The following LPP variants were observed in gnomAD, a reference collection of about 807,000 sequenced individuals.
LPP encodes LIM domain containing preferred translocation partner in lipoma, also known as lipoma-preferred partner.
In LPP, 38 loss-of-function variants were observed where a neutral mutation model predicts 60.4. That is an observed-to-expected ratio of 0.63 (90% CI 0.49 to 0.83). LPP has a LOEUF of 0.83. Ranked by LOEUF, LPP falls within the 40% of genes least tolerant of loss-of-function variation. The pLI is 0.00. For missense variants in LPP, 902 were observed against 783.6 expected (o/e 1.15, Z -1.80); for synonymous variants, 328 against 290.8 (o/e 1.13, Z -1.30).
chr3:188,409,590 A>G (rs887105256), intron 4 of LPP, among the ~76,000 whole-genome samples: 10 of 152,226 alleles, frequency 6.6e-5, no homozygotes, highest in South Asian at 6.2e-4. Flanking sequence ...AGAATGTTCT[A>G]TACTCTCAGT....
intron 1 of LPP, among the ~76,000 whole-genome samples, chr3:188,203,485 AT>A (rs1291235981): frequency 1.2e-5 from 1 of 83,018 alleles, no homozygotes; most frequent in Non-Finnish European, 2.1e-5. Context: ...ATATATATAT[AT>A]TTTTAAATAT....
At chr3:188,481,737 G>C (rs13060976) in intron 4 of LPP, among the ~76,000 whole-genome samples, 21,813 of 152,124 alleles carry the variant, frequency 0.14, 2,053 homozygotes, top group East Asian at 0.28. Flanking sequence ...CTCAAAGTGC[G>C]ATCTCAGACC....
chr3:188,550,405 C>G (rs534167105), intron 6 of LPP, among the ~76,000 whole-genome samples: 1 of 151,774 alleles, frequency 6.6e-6, no homozygotes, highest in African/African-American at 2.4e-5. Context: ...GGTGAAACCC[C>G]GTCTCTACTA....
chr3:188,666,102 A>G (rs1855741519), intron 7 of LPP, among the ~76,000 whole-genome samples: 1 of 152,248 alleles, frequency 6.6e-6, no homozygotes, highest in African/African-American at 2.4e-5. Context: ...AGGACTGGCC[A>G]ATTCATTCAT....
intron 7 of LPP, among the ~76,000 whole-genome samples, chr3:188,685,314 A>G (rs1860460015): frequency 6.6e-6 from 1 of 152,130 alleles, no homozygotes; most frequent in African/African-American, 2.4e-5. Context: ...GTTTGACCCT[A>G]CAGAGAATGG....
intron 1 of LPP, among the ~76,000 whole-genome samples, chr3:188,185,690 G>T (rs1321830051): frequency 6.6e-6 from 1 of 152,102 alleles, no homozygotes; most frequent in African/African-American, 2.4e-5. Context: ...ATTTGTTTGG[G>T]TCAAGCCTCT....
intron 9 of LPP, among the ~76,000 whole-genome samples, chr3:188,806,000 G>A (rs1749016378): frequency 6.6e-6 from 1 of 151,592 alleles, no homozygotes; most frequent in Non-Finnish European, 1.5e-5. Context: ...CTAGAAATAT[G>A]GTATATCTTG....
Position 188,792,615 on chromosome 3 carries a change from GT to G in LPP, c.1410+32341del, listed in dbSNP as rs529629180. On this transcript the variant is annotated intron_variant, in intron 9 of 11. Coordinates refer to ENST00000617246, the MANE Select transcript of LPP (RefSeq NM_001375462.1). ...AGCCCACAGTTTTTTTGTTTTTTTG[GT>G]TTTTTTTCTAGGTGTAAACAAACCT... Among the ~76,000 whole-genome samples, 91 of 151,796 alleles carry G rather than the reference GT, an allele frequency of 6.0e-4. 4 individuals carry two copies. Among genetic ancestry groups the G allele is most frequent in the Admixed American group, 4.1e-3 (63 of 15,228 alleles).
At chr3:188,483,402 C>A (rs1342293318) in intron 4 of LPP, among the ~76,000 whole-genome samples, 5 of 152,154 alleles carry the variant, frequency 3.3e-5, no homozygotes, top group Admixed American at 1.3e-4. Flanking sequence ...ATGATGGAGA[C>A]TGCTGCCCTA....
chr3:188,561,371 A>G (rs896812027), intron 6 of LPP, among the ~76,000 whole-genome samples: 2 of 152,056 alleles, frequency 1.3e-5, no homozygotes, highest in Non-Finnish European at 2.9e-5. Flanking sequence ...TTACTGTAGA[A>G]GAAAATGCCG....
intron 2 of LPP, among the ~76,000 whole-genome samples, chr3:188,233,524 T>C (rs1720823800): frequency 6.6e-6 from 1 of 152,238 alleles, no homozygotes; most frequent in South Asian, 2.1e-4. Context: ...CTTTTAAATC[T>C]GAGGCCCTGG....
intron 2 of LPP, among the ~76,000 whole-genome samples, chr3:188,337,284 G>A (rs1258302112): frequency 2.0e-5 from 3 of 152,204 alleles, no homozygotes; most frequent in East Asian, 1.9e-4. Context: ...CAGTAGCTGC[G>A]CAGGCCACAG....
intron 5 of LPP, among the ~76,000 whole-genome samples, chr3:188,493,335 T>G (rs1448205518): frequency 6.6e-6 from 1 of 152,204 alleles, no homozygotes; most frequent in East Asian, 1.9e-4. Flanking sequence ...TAAATTTTTC[T>G]TGTTTGGTCT....
chr3:188,276,019 C>A (rs1228755836), intron 2 of LPP, among the ~76,000 whole-genome samples: 1 of 152,188 alleles, frequency 6.6e-6, no homozygotes, highest in Non-Finnish European at 1.5e-5. Flanking sequence ...GAAAACAAAG[C>A]CTGCTGTAGT....
rs566399955 is a variant in LPP, at chr3:188,760,860, A to G, written c.1410+578A>G. Among the ~76,000 whole-genome samples the G allele has an allele frequency of 2.0e-5, 3 of 152,362 alleles. No individual in the cohort carries two copies. In the East Asian group the frequency reaches 5.8e-4, roughly 29 times the overall value. ...GCACCTTAAAGAGAAATGAACAGTAATGCTGACTGAGCTAATCATTGTTTT... is the reference window on the plus strand; with the variant it reads ...GCACCTTAAAGAGAAATGAACAGTAGTGCTGACTGAGCTAATCATTGTTTT... On this transcript the variant is annotated intron_variant, in intron 9 of 11. Transcript: ENST00000617246.
At position 188,843,418 on chromosome 3, in the gene LPP, T is replaced by C. The variant is rs116458365; in HGVS notation, c.1411-22782T>C. 3.2e-3 allele frequency among the ~76,000 whole-genome samples: 483 copies of C among 152,310 alleles called. 3 individuals carry two copies. The highest frequency in any genetic ancestry group is 0.011 in the African/African-American group (459 of 41,566). The stretch of plus-strand genomic sequence containing the variant: ...TGGCCACTCCATCACCAGGACTTAA[T>C]TTCTTCATCAGTAAAATGTTTGGTT... On this transcript the variant is annotated intron_variant, in intron 9 of 11. Coordinates refer to ENST00000617246, the MANE Select transcript of LPP (RefSeq NM_001375462.1).
At chr3:188,216,275 T>C (rs1713561559) in intron 1 of LPP, among the ~76,000 whole-genome samples, 1 of 140,340 alleles carries the variant, frequency 7.1e-6, no homozygotes, top group Non-Finnish European at 1.6e-5. Context: ...TCTTCTTCCT[T>C]TTTTTTTTTT....
At chr3:188,811,230 A>G (rs1028727956) in intron 9 of LPP, among the ~76,000 whole-genome samples, 3 of 152,118 alleles carry the variant, frequency 2.0e-5, no homozygotes, top group African/African-American at 7.2e-5. Context: ...AACTATAGAT[A>G]TTCACATCCC....
Position 188,757,888 on chromosome 3 carries a change from G to GGTTTTTT in LPP, c.1241-2224_1241-2218dup, listed in dbSNP as rs779662551. On this transcript the variant is annotated intron_variant, in intron 8 of 11. Coordinates refer to ENST00000617246, the MANE Select transcript of LPP (RefSeq NM_001375462.1). ...ATTTTTTTTGTGGTTTTGTTTTTTT[G>GGTTTTTT]GTTTTTTTTTTTTTTTTTTTTCAGA... is the stretch of plus-strand genomic sequence containing the variant. Among the ~76,000 whole-genome samples the GGTTTTTT allele has an allele frequency of 7.1e-3, 201 of 28,400 alleles. 2 individuals carry two copies. Among genetic ancestry groups the GGTTTTTT allele is most frequent in the African/African-American group, 0.046 (168 of 3,684 alleles). 18.6% of individuals were successfully genotyped at this position (28,400 alleles called of 152,430 possible).
Sources: allele counts gnomAD v4.1 joint callset (sites outside exome capture counted in the v4.1 genomes callset), GRCh38; gene constraint gnomAD v4.1.1; transcripts MANE v1.5; gene names NCBI Gene and HGNC (gene_info 2026-07-23, HGNC 2026-07-21).